TRMT11: variants seen among roughly 807,000 people sequenced by gnomAD.
TRMT11 encodes the protein tRNA (guanine(10)-N(2))-methyltransferase TRMT11.
Under a neutral mutation model 62.8 loss-of-function variants are expected in TRMT11, and 53 were observed. The observed-to-expected ratio is 0.84, with a 90% CI of 0.68 to 1.06. The LOEUF (loss-of-function observed/expected upper bound fraction) is 1.06, where lower values mean the gene tolerates loss of function less well. Ranked by LOEUF, TRMT11 falls within the 50% of genes least tolerant of loss-of-function variation. The pLI, the probability that TRMT11 is intolerant of heterozygous loss-of-function variation, is 0.00. For synonymous variants in TRMT11, 188 were observed against 190.3 expected (o/e 0.99, Z 0.10); for missense variants, 556 against 553.4 (o/e 1.00, Z -0.05).
downstream of TRMT11, among the ~76,000 whole-genome samples, chr6:126,041,383 A>G (rs965441931): frequency 1.1e-4 from 16 of 152,180 alleles, no homozygotes; most frequent in Non-Finnish European, 2.4e-4. Flanking sequence ...ACTTTTTTTC[A>G]ACACCAGGAA....
At chr6:126,006,534 AC>A (rs1305847573) in intron 7 of TRMT11, among the ~76,000 whole-genome samples, 17 of 151,820 alleles carry the variant, frequency 1.1e-4, no homozygotes, top group Admixed American at 1.1e-3. Context: ...CAGTATTTTT[AC>A]TTTTGGTAAC....
Position 125,993,843 on chromosome 6 carries a change from A to G in TRMT11, c.138+21A>G, listed in dbSNP as rs568520870. Reference sequence around the variant, plus strand: ...GAAAGGTAAGTTAAATTTTCATTAGACCATATGGAGTATACTTAGAAATAG... The same window carrying G: ...GAAAGGTAAGTTAAATTTTCATTAGGCCATATGGAGTATACTTAGAAATAG... On this transcript the variant is annotated intron_variant, in intron 2 of 12. Transcript: ENST00000334379. 2.9e-5 allele frequency: 44 copies of G among 1,517,974 alleles called. No homozygotes were observed. In the African/African-American group the frequency reaches 5.1e-4, roughly 18 times the overall value. The allele number at this position is 1,517,974 out of a possible 1,614,324, so 94.0% of individuals were successfully genotyped here.
At chr6:126,169,778 A>G (rs1332573106) in intron 21 of TRMT11, among the ~76,000 whole-genome samples, 1 of 152,186 alleles carries the variant, frequency 6.6e-6, no homozygotes, top group Non-Finnish European at 1.5e-5. Context: ...AACTGTGCAA[A>G]TCTTTCAGGT....
At chr6:126,194,944 A>G (rs1243091376) in intron 1 of TRMT11, among the ~76,000 whole-genome samples, 2 of 151,974 alleles carry the variant, frequency 1.3e-5, no homozygotes, top group Non-Finnish European at 2.9e-5. Context: ...GTGAGACCCT[A>G]TCTCTATAAA....
At chr6:126,016,907 A>C (rs1013587704) in intron 11 of TRMT11, among the ~76,000 whole-genome samples, 1 of 152,132 alleles carries the variant, frequency 6.6e-6, no homozygotes, top group African/African-American at 2.4e-5. Flanking sequence ...TTAATTATTA[A>C]TAGTGAACTA....
intron 21 of TRMT11, among the ~76,000 whole-genome samples, chr6:126,146,480 G>T (rs918779043): frequency 6.6e-6 from 1 of 151,854 alleles, no homozygotes; most frequent in African/African-American, 2.4e-5. Context: ...GGTTTTAATA[G>T]CATCTACCTC....
chr6:126,171,250 C>CT (rs113477262), intron 21 of TRMT11, among the ~76,000 whole-genome samples: 90 of 146,730 alleles, frequency 6.1e-4, no homozygotes, highest in African/African-American at 5.5e-4. Flanking sequence ...GATTCGCTTA[C>CT]TTTTTTTTTT....
chr6:126,002,891 C>G (rs1487499818), intron 7 of TRMT11, among the ~76,000 whole-genome samples: 1 of 152,070 alleles, frequency 6.6e-6, no homozygotes, highest in Admixed American at 6.6e-5. Flanking sequence ...ATTTTCGCTA[C>G]TTTCTTACAC....
intron 17 of TRMT11, among the ~76,000 whole-genome samples, chr6:126,082,194 A>T (rs923905956): frequency 2.6e-5 from 4 of 152,116 alleles, no homozygotes; most frequent in Non-Finnish European, 5.9e-5. Flanking sequence ...TTATGCCGAT[A>T]CCACCGAAAG....
At chr6:126,042,972 TCA>T (rs201282903), downstream of TRMT11, among the ~76,000 whole-genome samples, 1,201 of 152,278 alleles carry the variant, frequency 7.9e-3, 12 homozygotes, top group African/African-American at 0.028. Context: ...TTGGAGTATC[TCA>T]CCACAAGTTG....
chr6:126,083,615 G>C (rs1583870297), intron 17 of TRMT11, among the ~76,000 whole-genome samples: 1 of 151,954 alleles, frequency 6.6e-6, no homozygotes. Flanking sequence ...TGCCATTTTT[G>C]TTTTTGTTTT....
chr6:126,020,770 G>A (rs145545574), intron 11 of TRMT11, among the ~76,000 whole-genome samples: 63 of 152,234 alleles, frequency 4.1e-4, no homozygotes, highest in African/African-American at 1.3e-3. Flanking sequence ...TATACACTTC[G>A]GGAATTTATA....
At chr6:126,021,301 T>G in intron 12 of TRMT11, 21 bp downstream of exon 12, 2 of 1,611,272 alleles carry the variant, frequency 1.2e-6, no homozygotes, top group South Asian at 2.2e-5. Context: ...TCAGTATTTT[T>G]GGGATAAATT....
the TRMT11 span, among the ~76,000 whole-genome samples, chr6:126,210,277 C>T: frequency 0.011 from 1,629 of 152,222 alleles, 35 homozygotes; most frequent in African/African-American, 0.036. Flanking sequence ...AGAAGTAAAT[C>T]GCTATGTTCT....
intron 12 of TRMT11, among the ~76,000 whole-genome samples, chr6:126,025,414 G>A (rs1772867023): frequency 6.6e-6 from 1 of 151,722 alleles, no homozygotes; most frequent in African/African-American, 2.4e-5. Context: ...ATTTTATTTT[G>A]TTCTTTTCCA....
At chr6:126,167,807 C>T (rs920254397) in intron 21 of TRMT11, among the ~76,000 whole-genome samples, 8 of 152,134 alleles carry the variant, frequency 5.3e-5, no homozygotes, top group South Asian at 2.1e-4. Flanking sequence ...CTTCTTTTTC[C>T]ACCTCGGACA....
the TRMT11 span, among the ~76,000 whole-genome samples, chr6:126,262,835 T>A: frequency 6.6e-6 from 1 of 152,206 alleles, no homozygotes; most frequent in Admixed American, 6.5e-5. Context: ...TCCTTCCTGA[T>A]GGTTCTGTCC....
At chr6:126,221,257 A>G in the TRMT11 span, among the ~76,000 whole-genome samples, 6 of 152,276 alleles carry the variant, frequency 3.9e-5, no homozygotes, top group African/African-American at 1.4e-4. Flanking sequence ...AATGATATAT[A>G]TTCCTTTGGG....
the TRMT11 span, among the ~76,000 whole-genome samples, chr6:126,264,586 A>C: frequency 2.0e-5 from 3 of 152,202 alleles, no homozygotes; most frequent in Non-Finnish European, 4.4e-5. Flanking sequence ...TGTGAAATTC[A>C]CTTTTAAATC....
Sources: allele counts gnomAD v4.1 joint callset (sites outside exome capture counted in the v4.1 genomes callset), GRCh38; gene constraint gnomAD v4.1.1; transcripts MANE v1.5; gene names NCBI Gene and HGNC (gene_info 2026-07-23, HGNC 2026-07-21).